PLEKHG4B: variants seen among roughly 807,000 people sequenced by gnomAD.
The protein encoded by PLEKHG4B is pleckstrin homology domain-containing family G member 4B.
PLEKHG4B carries 111 observed loss-of-function variants against 121.3 expected under a neutral mutation model. The observed-to-expected ratio is 0.92, with a 90% CI of 0.78 to 1.07. PLEKHG4B has a LOEUF of 1.07. Ranked by LOEUF, PLEKHG4B falls within the 50% of genes least tolerant of loss-of-function variation. PLEKHG4B has a pLI of 0.00. For missense variants in PLEKHG4B, 1,831 were observed against 1,757.8 expected, an observed-to-expected ratio of 1.04 and a Z score of -0.74; for synonymous variants, 738 against 725.0, an observed-to-expected ratio of 1.02 and a Z score of -0.29.
rs1260122895 is a variant in PLEKHG4B, at chr5:183,880, A to G, written c.*1557A>G. 1 of 152,236 alleles carries G rather than the reference A, an allele frequency of 6.6e-6. No individual in the cohort carries two copies. Among genetic ancestry groups the G allele is most frequent in the Non-Finnish European group, 1.5e-5 (1 of 68,064 alleles). 9.4% of individuals were successfully genotyped at this position (152,236 alleles called of 1,614,324 possible). A position where few individuals can be genotyped will look rare whatever the true frequency, so the allele number is the denominator to read the frequency against. ...GATTTCACAGAAGAGACCATGAGGC[A>G]CCTTGAAGACACATCAGTGGAAACT... On this transcript the variant is annotated 3_prime_UTR_variant, in exon 20 of 20. Transcript: ENST00000637938.
In PLEKHG4B at chr5:182,257, G is replaced by C. The variant is rs144620343; in HGVS notation, c.4818G>C (p.Thr1606=). 1.9e-6 allele frequency: 3 copies of C among 1,613,190 alleles called. No homozygotes were observed. The highest frequency in any genetic ancestry group is 1.3e-5 in the African/African-American group (1 of 74,924). ...EEDEPEPELE[T]GTQAAVCEGA... ...ATGAGCCAGAGCCAGAACTAGAGACGGGCACCCAGGCTGCAGTGTGTGAGG... is the reference window on the plus strand; with the variant it reads ...ATGAGCCAGAGCCAGAACTAGAGACCGGCACCCAGGCTGCAGTGTGTGAGG... The change falls in exon 20 of 20, where the codon ACG becomes ACC. Residue 1606 remains threonine, a synonymous_variant. Coordinates refer to ENST00000637938, the MANE Select transcript of PLEKHG4B (RefSeq NM_052909.5).
chr5:165,072 A>C (rs1736259467), intron 13 of PLEKHG4B, among the ~76,000 whole-genome samples: 1 of 105,934 alleles, frequency 9.4e-6, no homozygotes, highest in African/African-American at 3.5e-5. Flanking sequence ...GCTCACACTA[A>C]TGCTCTGACG....
chr5:155,446 G>T lies in PLEKHG4B; in HGVS notation c.2208+3G>T. The T allele has an allele frequency of 1.2e-6, 2 of 1,611,284 alleles. No individual in the cohort carries two copies. Among genetic ancestry groups the T allele is most frequent in the Non-Finnish European group, 1.7e-6 (2 of 1,177,390 alleles). ...ACAGAACCCCAAGAACAGCCCAGGT[G>T]AGTCCTCAGACTTGCAGGTAAGTTC... On this transcript the variant is annotated splice_donor_region_variant and intron_variant, in intron 9 of 19. Coordinates refer to ENST00000637938, the MANE Select transcript of PLEKHG4B (RefSeq NM_052909.5).
chr5:171,026 C>T lies in PLEKHG4B; in HGVS notation c.3730-17C>T, dbSNP rs566761167. The T allele has an allele frequency of 7.4e-5, 119 of 1,597,448 alleles. No individual in the cohort carries two copies. Among genetic ancestry groups the T allele is most frequent in the South Asian group, 1.2e-4 (11 of 88,788 alleles). On this transcript the variant is annotated splice_polypyrimidine_tract_variant and intron_variant, in intron 14 of 19. Coordinates refer to ENST00000637938, the MANE Select transcript of PLEKHG4B (RefSeq NM_052909.5). ...CCTGTCACTCCCACAGCCAAGCAGT[C>T]GCCTCTGCTTTTCCAGGAAGAGCAG...
rs1405770033 is a variant in PLEKHG4B at position 159,793 on chromosome 5, G to A, written c.2488-1990G>A. Among the ~76,000 whole-genome samples the A allele has an allele frequency of 6.6e-6, 1 of 152,156 alleles. No homozygotes were observed. Among genetic ancestry groups the A allele is most frequent in the East Asian group, 1.9e-4 (1 of 5,190 alleles). The stretch of plus-strand genomic sequence containing the variant: ...TCACCTGCCAGGGAACAGACCCTGG[G>A]CCCTGTGGAGCAGGGTGCCCAGCTC... On this transcript the variant is annotated intron_variant, in intron 11 of 19. Coordinates refer to ENST00000637938, the MANE Select transcript of PLEKHG4B (RefSeq NM_052909.5). This position sits in a 1 kb window ranked among gnomAD's most constrained non-coding sequence, Gnocchi z 5.5.
chr5:143,911 G>A (rs558917531), intron 5 of PLEKHG4B, among the ~76,000 whole-genome samples: 2 of 152,184 alleles, frequency 1.3e-5, no homozygotes, highest in South Asian at 2.1e-4. Flanking sequence ...CCTGGAGTTA[G>A]AGCTAAAGAA....
chr5:119,257 A>G (rs929232961), intron 2 of PLEKHG4B, among the ~76,000 whole-genome samples: 2 of 152,198 alleles, frequency 1.3e-5, no homozygotes, highest in African/African-American at 4.8e-5. Flanking sequence ...GTGCAATAAA[A>G]CTAGAAATCA....
intron 6 of PLEKHG4B, among the ~76,000 whole-genome samples, chr5:150,216 A>G (rs1429881667): frequency 2.0e-5 from 3 of 152,258 alleles, no homozygotes; most frequent in South Asian, 2.1e-4. Context: ...ATGCCACAGC[A>G]TGTATGAATC....
At chr5:108,796 G>C (rs1202709823) in intron 1 of PLEKHG4B, among the ~76,000 whole-genome samples, 1 of 152,024 alleles carries the variant, frequency 6.6e-6, no homozygotes, top group Non-Finnish European at 1.5e-5. Context: ...GGCTGGTGTA[G>C]ACAGACCGAC....
intron 1 of PLEKHG4B, among the ~76,000 whole-genome samples, chr5:107,583 A>T (rs1423560736): frequency 6.6e-6 from 1 of 152,216 alleles, no homozygotes; most frequent in African/African-American, 2.4e-5. Context: ...AAGCTGGCCT[A>T]GACTCAGGGC....
Position 162,710 on chromosome 5 carries a change from C to G in PLEKHG4B, c.2650-12C>G. ...CTCCACTGCACTGAGCAGAGCCCTC[C>G]TTGTCCCACAGGTGAGCAGCTGGAT... On this transcript the variant is annotated splice_polypyrimidine_tract_variant and intron_variant, in intron 12 of 19. Coordinates refer to ENST00000637938, the MANE Select transcript of PLEKHG4B (RefSeq NM_052909.5). The G allele has an allele frequency of 6.9e-7, 1 of 1,443,822 alleles. No individual in the cohort carries two copies. The allele number at this position is 1,443,822 out of a possible 1,614,324, so 89.4% of individuals were successfully genotyped here. A position where few individuals can be genotyped will look rare whatever the true frequency, so the allele number is the denominator to read the frequency against.
chr5:172,588 G>A (rs1438016394), intron 16 of PLEKHG4B, among the ~76,000 whole-genome samples: 1 of 152,216 alleles, frequency 6.6e-6, no homozygotes, highest in Non-Finnish European at 1.5e-5. Context: ...GGGGGCCGGG[G>A]TGGGGGTGTG....
chr5:135,685 ATATATATATATATATATAT>A (rs1734957694), intron 2 of PLEKHG4B, among the ~76,000 whole-genome samples: 2 of 31,080 alleles, frequency 6.4e-5, no homozygotes, highest in African/African-American at 3.2e-4. Flanking sequence ...AAAAAAAAAT[ATATATATATATATATATAT>A]ATATATATAT....
chr5:103,959 G>A (rs1452333434), intron 1 of PLEKHG4B, among the ~76,000 whole-genome samples: 3 of 152,154 alleles, frequency 2.0e-5, no homozygotes, highest in African/African-American at 7.2e-5. Flanking sequence ...AAACTTAGAA[G>A]TTTGTGTTTC....
chr5:162,771 C>T lies in PLEKHG4B; in HGVS notation c.2699C>T (p.Pro900Leu), dbSNP rs1321138476. 3 of 1,480,450 alleles carry T rather than the reference C, an allele frequency of 2.0e-6. No individual in the cohort carries two copies. The highest frequency in any genetic ancestry group is 2.7e-6 in the Non-Finnish European group (3 of 1,117,152). The allele number at this position is 1,480,450 out of a possible 1,614,324, so 91.7% of individuals were successfully genotyped here. ...PLDPEACPSS[P>L]VAECLRSCHQ... ...GACCCGGAGGCTTGTCCCTCCTCAC[C>T]CGTGGCTGAGTGTTTGAGGAGCTGT... The change falls in exon 13 of 20, where the codon CCC becomes CTC. Residue 900 changes from proline to leucine, a missense_variant. Transcript: ENST00000637938.
chr5:177,328 ACAGT>A (rs1465424276), intron 18 of PLEKHG4B, among the ~76,000 whole-genome samples: 9 of 152,146 alleles, frequency 5.9e-5, no homozygotes, highest in South Asian at 4.2e-4. Flanking sequence ...GTGTCTATTC[ACAGT>A]CAGTTCAGTA....
intron 13 of PLEKHG4B, among the ~76,000 whole-genome samples, chr5:165,175 G>A (rs1010209373): frequency 1.9e-3 from 92 of 49,728 alleles, no homozygotes; most frequent in African/African-American, 4.5e-3. Context: ...GACGGGGCGG[G>A]GCTCACAGTA....
At chr5:110,733 G>C (rs1428924459) in intron 1 of PLEKHG4B, among the ~76,000 whole-genome samples, 1 of 147,680 alleles carries the variant, frequency 6.8e-6, no homozygotes, top group Non-Finnish European at 1.5e-5. Flanking sequence ...GCACACACCA[G>C]CCACTCTGCA....
chr5:173,108 G>GC, intron 17 of PLEKHG4B, 41 bp downstream of exon 17: 1 of 1,597,232 alleles, frequency 6.3e-7, no homozygotes. Context: ...GCCGAGCCAG[G>GC]CCCTCCAAGG....
Sources: allele counts gnomAD v4.1 joint callset (sites outside exome capture counted in the v4.1 genomes callset), GRCh38; gene constraint gnomAD v4.1.1; non-coding constraint Gnocchi (gnomAD v3.1); transcripts MANE v1.5; gene names NCBI Gene and HGNC (gene_info 2026-07-23, HGNC 2026-07-21).